The following ACOXL variants were observed in gnomAD, a reference collection of about 807,000 sequenced individuals.
ACOXL encodes the protein acyl-CoA oxidase like.
ACOXL carries 70 observed loss-of-function variants against 71.9 expected under a neutral mutation model. The observed-to-expected ratio is 0.97, with a 90% CI of 0.80 to 1.19. The LOEUF is 1.19. ACOXL is among the 50% of genes most tolerant of loss of function. The pLI, the probability that ACOXL is intolerant of heterozygous loss-of-function variation, is 0.00. For synonymous variants in ACOXL, 253 were observed against 281.6 expected (o/e 0.90, Z 1.02); for missense variants, 703 against 736.3 (o/e 0.95, Z 0.52).
chr2:110,987,241 C>T, intron 13 of ACOXL, 24 bp downstream of exon 13: 1 of 1,547,818 alleles, frequency 6.5e-7, no homozygotes, highest in East Asian at 2.4e-5. Flanking sequence ...AGGCCATCAT[C>T]ATCTGCCTTC....
intron 5 of ACOXL, among the ~76,000 whole-genome samples, chr2:110,797,966 C>T (rs796178944): frequency 4.3e-4 from 65 of 152,302 alleles, no homozygotes; most frequent in African/African-American, 1.5e-3. Context: ...GCACACATGT[C>T]AGCCTGGCAT....
chr2:111,045,720 C>T (rs980725746), intron 15 of ACOXL, among the ~76,000 whole-genome samples: 1 of 152,108 alleles, frequency 6.6e-6, no homozygotes, highest in East Asian at 1.9e-4. Flanking sequence ...GCATAGTAGC[C>T]TGTGTCACAC....
At chr2:110,940,124 G>A (rs771074534) in intron 12 of ACOXL, among the ~76,000 whole-genome samples, 17 of 152,174 alleles carry the variant, frequency 1.1e-4, no homozygotes, top group Middle Eastern at 6.8e-3. Context: ...AAACAGTACC[G>A]GCCTCACTAT....
intron 10 of ACOXL, chr2:110,887,049 G>A (rs562398677): frequency 6.7e-6 from 4 of 595,570 alleles, no homozygotes; most frequent in Non-Finnish European, 1.1e-5. Flanking sequence ...GCGTCCACGG[G>A]TCTGCTGTGT....
At chr2:110,862,674 C>T (rs1045282575) in intron 10 of ACOXL, among the ~76,000 whole-genome samples, 35 of 152,216 alleles carry the variant, frequency 2.3e-4, no homozygotes, top group Non-Finnish European at 1.0e-4. Flanking sequence ...AAATTTGGCG[C>T]AAATGGCTAA....
intron 10 of ACOXL, among the ~76,000 whole-genome samples, chr2:110,896,094 A>G (rs2149173316): frequency 6.6e-6 from 1 of 152,270 alleles, no homozygotes; most frequent in East Asian, 1.9e-4. Flanking sequence ...ACAATTATAC[A>G]CAGGGGAAAG....
Position 110,908,861 on chromosome 2 carries a change from G to C in ACOXL, c.861G>C (p.Leu287=). 1 of 1,614,028 alleles carries C rather than the reference G, an allele frequency of 6.2e-7. No individual in the cohort carries two copies. The highest frequency in any genetic ancestry group is 8.5e-7 in the Non-Finnish European group (1 of 1,179,962). ...AGCACCAAACACAGACCCTGCGGCT[G>C]ATGCCCCACCTGGCCACAGCCTTGG... The part of the protein sequence containing the change: ...IIEHQTQTLR[L]MPHLATALAL... Residue 287 remains leucine, a synonymous_variant, in exon 11 of 18, where the codon CTG becomes CTC. Transcript: ENST00000439055.
chr2:111,003,512 C>T (rs10176092), intron 14 of ACOXL, among the ~76,000 whole-genome samples: 123,949 of 138,104 alleles, frequency 0.9, 55,822 homozygotes, highest in African/African-American at 0.97. Flanking sequence ...GATTGCACCA[C>T]TGCACTCCAG....
intron 15 of ACOXL, 135 bp downstream of exon 15, chr2:111,031,849 C>A: frequency 1.2e-6 from 1 of 838,844 alleles, no homozygotes. Flanking sequence ...TTTAGGGCCC[C>A]AAGTGACTTA....
At chr2:111,054,206 T>C (rs2066425998) in intron 16 of ACOXL, among the ~76,000 whole-genome samples, 1 of 152,194 alleles carries the variant, frequency 6.6e-6, no homozygotes, top group African/African-American at 2.4e-5. Flanking sequence ...AAAACCAAGC[T>C]GCCTGTAGGA....
chr2:111,002,638 A>C (rs1230495940), intron 14 of ACOXL, among the ~76,000 whole-genome samples: 1 of 152,164 alleles, frequency 6.6e-6, no homozygotes, highest in Non-Finnish European at 1.5e-5. Flanking sequence ...TAGGGTCCAC[A>C]TTTCTCCACT....
Position 110,801,634 on chromosome 2 carries a change from C to G in ACOXL, c.548-18C>G. 6.2e-7 allele frequency: 1 copy of G among 1,610,892 alleles called. No homozygotes were observed. Among genetic ancestry groups the G allele is most frequent in the South Asian group, 1.1e-5 (1 of 90,884 alleles). ...TACTTCTGATGCTGCATCCATTTCCCCTTTCTATTCTTGCCAGGTCTGCAT... is the reference window on the plus strand; with the variant it reads ...TACTTCTGATGCTGCATCCATTTCCGCTTTCTATTCTTGCCAGGTCTGCAT... On this transcript the variant is annotated intron_variant, in intron 7 of 17. Transcript: ENST00000439055.
intron 14 of ACOXL, among the ~76,000 whole-genome samples, chr2:111,000,227 G>A (rs759724507): frequency 3.9e-5 from 6 of 152,258 alleles, no homozygotes; most frequent in Non-Finnish European, 5.9e-5. Flanking sequence ...TCCTTGTTAC[G>A]TAGTGGCATA....
intron 12 of ACOXL, among the ~76,000 whole-genome samples, chr2:110,951,386 T>G (rs1053558005): frequency 1.3e-5 from 2 of 152,244 alleles, no homozygotes; most frequent in African/African-American, 4.8e-5. Flanking sequence ...TCCTATCACC[T>G]GAGAAAAATG....
At chr2:111,028,317 T>G (rs1354803640) in intron 14 of ACOXL, among the ~76,000 whole-genome samples, 1 of 152,040 alleles carries the variant, frequency 6.6e-6, no homozygotes. Flanking sequence ...AGGGTCTCAC[T>G]GTGTCACCCA....
At chr2:110,916,273 G>A (rs1180537036) in intron 11 of ACOXL, among the ~76,000 whole-genome samples, 1 of 151,318 alleles carries the variant, frequency 6.6e-6, no homozygotes, top group East Asian at 1.9e-4. Context: ...AATTTTGCTG[G>A]GTGTTTATCA....
At chr2:110,955,578 A>G (rs934404149) in intron 12 of ACOXL, among the ~76,000 whole-genome samples, 8 of 152,076 alleles carry the variant, frequency 5.3e-5, no homozygotes, top group Non-Finnish European at 1.0e-4. Context: ...AAACTAACAT[A>G]AAATAAATCC....
At position 110,818,393 on chromosome 2, in the gene ACOXL, C is replaced by CA. The variant is rs11314019; in HGVS notation, c.753+13014dup. 7.5e-4 allele frequency among the ~76,000 whole-genome samples: 39 copies of CA among 52,320 alleles called. 2 individuals are homozygous for CA. Among genetic ancestry groups the CA allele is most frequent in the African/African-American group, 2.2e-3 (33 of 14,840 alleles). The allele number at this position is 52,320 out of a possible 152,430, so 34.3% of individuals were successfully genotyped here. ...TGGTTGACAGAGTGAGACTCTGTCTCAAAAAAAAAAAAAAAACATATATAT... is the reference window on the plus strand; with the variant it reads ...TGGTTGACAGAGTGAGACTCTGTCTCAAAAAAAAAAAAAAAAACATATATAT... On this transcript the variant is annotated intron_variant, in intron 9 of 17. Coordinates refer to ENST00000439055, the MANE Select transcript of ACOXL (RefSeq NM_001142807.4).
rs190765156 is a variant in ACOXL, at chr2:111,065,188, T to G, written c.1440+15900T>G. On this transcript the variant is annotated intron_variant, in intron 16 of 17. Transcript: ENST00000439055. Reference sequence around the variant, plus strand: ...TGGATAAAAATAGGGAGTGCAGAAATAGACCCATACCAACATGCCCAACTG... The same window carrying G: ...TGGATAAAAATAGGGAGTGCAGAAAGAGACCCATACCAACATGCCCAACTG... Among the ~76,000 whole-genome samples, 342 of 152,248 alleles carry G rather than the reference T, an allele frequency of 2.2e-3. 2 individuals are homozygous for G. Among genetic ancestry groups the G allele is most frequent in the African/African-American group, 8.0e-3 (332 of 41,542 alleles).
Sources: gnomAD v4.1 joint callset for allele counts (sites outside exome capture counted in the v4.1 genomes callset) on GRCh38, gnomAD v4.1.1 for gene constraint, MANE v1.5 for transcripts, NCBI Gene and HGNC (gene_info 2026-07-23, HGNC 2026-07-21) for gene names.